NUP98: variants seen among roughly 807,000 people sequenced by gnomAD.
NUP98 encodes the protein nuclear pore complex protein Nup98-Nup96.
A neutral mutation model predicts 191.9 loss-of-function variants in NUP98; 26 were observed. The ratio of observed to expected loss-of-function variants is 0.14; its 90% CI spans 0.10 to 0.19. The LOEUF is 0.19. Among genes scored for constraint, NUP98 ranks in the 10% least tolerant of loss-of-function variants. The probability of loss-of-function intolerance (pLI) is 1.00; values close to 1 mark genes in which losing one functional copy is unlikely to be tolerated. For missense variants in NUP98, 1,941 were observed against 2,178.8 expected (o/e 0.89, Z 2.17); for synonymous variants, 808 against 778.4 (o/e 1.04, Z -0.63).
At chr11:3,785,723 C>T (rs533191303) in intron 1 of NUP98, among the ~76,000 whole-genome samples, 23 of 152,326 alleles carry the variant, frequency 1.5e-4, no homozygotes, top group African/African-American at 5.5e-4. Context: ...CGTGCCACTG[C>T]ACTCCAGTCT....
At chr11:3,694,881 T>C (rs1191316949) in intron 26 of NUP98, among the ~76,000 whole-genome samples, 4 of 152,168 alleles carry the variant, frequency 2.6e-5, no homozygotes, top group Admixed American at 6.5e-5. Flanking sequence ...TGAGACCCTA[T>C]TGCTATAAAT....
rs900229097 is a variant in NUP98 at position 3,701,204 on chromosome 11, A to G, written c.3513-365T>C. ...ATGAGGCTAAGCTTCTAGATACTAA[A>G]GAACTGATTCTAAATTACAATGAGC... On this transcript the variant is annotated intron_variant, in intron 23 of 32. Transcript: ENST00000324932. Among the ~76,000 whole-genome samples, 7 of 152,262 alleles carry G rather than the reference A, an allele frequency of 4.6e-5. No individual in the cohort carries two copies. The East Asian group carries it at 1.2e-3, about 25-fold the overall frequency.
At chr11:3,755,314 A>C (rs80070925) in intron 10 of NUP98, among the ~76,000 whole-genome samples, 1 of 151,660 alleles carries the variant, frequency 6.6e-6, no homozygotes, top group Non-Finnish European at 1.5e-5. Flanking sequence ...AAAAAAAAAA[A>C]TTAGCTGGCT....
chr11:3,735,351 A>AATATAT (rs144227838), intron 12 of NUP98, 27 bp from the exon 13 acceptor site: 12 of 1,080,652 alleles, frequency 1.1e-5, no homozygotes, highest in Middle Eastern at 6.9e-4. Context: ...AAGAAAACAA[A>AATATAT]ATATATATAT....
chr11:3,683,840 A>T (rs748312456), intron 29 of NUP98, among the ~76,000 whole-genome samples: 1 of 152,034 alleles, frequency 6.6e-6, no homozygotes, highest in African/African-American at 2.4e-5. Flanking sequence ...ACCTGGCCTA[A>T]ACTATGGGTC....
intron 23 of NUP98, among the ~76,000 whole-genome samples, chr11:3,701,332 T>A (rs531806188): frequency 6.6e-6 from 1 of 151,186 alleles, no homozygotes; most frequent in South Asian, 2.1e-4. Flanking sequence ...TGATCTTGGC[T>A]TACTGCAACC....
At chr11:3,689,940 ATTTTT>A (rs989043726) in intron 28 of NUP98, among the ~76,000 whole-genome samples, 76 of 73,568 alleles carry the variant, frequency 1.0e-3, no homozygotes, top group African/African-American at 4.0e-3. Context: ...GCTGGCCTGC[ATTTTT>A]TTTTTTTTTT....
At chr11:3,701,937 T>C (rs1321480722) in intron 23 of NUP98, among the ~76,000 whole-genome samples, 1 of 152,074 alleles carries the variant, frequency 6.6e-6, no homozygotes, top group Non-Finnish European at 1.5e-5. Flanking sequence ...TCCGCCCATC[T>C]TGGCCTCCCA....
intron 27 of NUP98, 136 bp from the exon 28 acceptor site, chr11:3,691,625 C>A: frequency 1.3e-6 from 1 of 777,454 alleles, no homozygotes; most frequent in Non-Finnish European, 2.0e-6. Flanking sequence ...ACAATCTCGG[C>A]TCACTGCAAC....
chr11:3,695,466 G>C lies in NUP98; in HGVS notation c.4150C>G (p.Leu1384Val). The change falls in exon 26 of 33, where the codon CTG becomes GTG. Residue 1384 changes from leucine (L) to valine (V), a missense_variant. Leu to Val is a conservative substitution (Grantham distance 32, BLOSUM62 1). Around this residue, in one of 6 missense-constraint regions of NUP98, gnomAD observed 1,030 missense variants for 1,115.8 expected, o/e 0.92. Transcript: ENST00000324932. ...IQDERLRIFA[L>V]LAGKPVWQLS... The stretch of plus-strand genomic sequence containing the variant: ...GAAGATACCGGTTTTCCAGCCAACA[G>C]AGCAAAGATGCGCAGTCTCTCATCC... The C allele has an allele frequency of 1.9e-6, 3 of 1,573,310 alleles. 1 individual carries two copies. The highest frequency in any genetic ancestry group is 2.4e-5 in the South Asian group (2 of 84,860).
intron 25 of NUP98, among the ~76,000 whole-genome samples, chr11:3,697,724 G>A (rs920516212): frequency 6.7e-6 from 1 of 149,760 alleles, no homozygotes; most frequent in African/African-American, 2.5e-5. Flanking sequence ...GCTGAGGCAG[G>A]AGAATCGCTT....
chr11:3,700,557 C>A, intron 24 of NUP98, 53 bp downstream of exon 24: 1 of 1,275,486 alleles, frequency 7.8e-7, no homozygotes. Flanking sequence ...TGAACATACG[C>A]TACCACCACT....
chr11:3,729,543 CAAAAAA>C (rs36045405), intron 14 of NUP98, among the ~76,000 whole-genome samples: 5 of 55,750 alleles, frequency 9.0e-5, no homozygotes, highest in Non-Finnish European at 1.3e-4. Flanking sequence ...CCTGTATCTC[CAAAAAA>C]AAAAAAAAAA....
At chr11:3,684,833 T>C (rs1333754199) in intron 29 of NUP98, among the ~76,000 whole-genome samples, 1 of 144,270 alleles carries the variant, frequency 6.9e-6, no homozygotes, top group Non-Finnish European at 1.5e-5. Flanking sequence ...AGTATCTTTA[T>C]CCAAAGTCAA....
intron 17 of NUP98, among the ~76,000 whole-genome samples, chr11:3,719,923 C>T (rs920595214): frequency 6.6e-6 from 1 of 151,984 alleles, no homozygotes; most frequent in Admixed American, 6.6e-5. Flanking sequence ...TCAGGCCTGG[C>T]TCATTTTCTT....
At chr11:3,751,488 A>T (rs1277390672) in intron 11 of NUP98, among the ~76,000 whole-genome samples, 1 of 152,180 alleles carries the variant, frequency 6.6e-6, no homozygotes, top group Non-Finnish European at 1.5e-5. Flanking sequence ...AAACAACCCT[A>T]ATCATTTCAC....
chr11:3,736,691 AAAT>A (rs1390000500), intron 12 of NUP98, among the ~76,000 whole-genome samples: 10 of 152,244 alleles, frequency 6.6e-5, no homozygotes, highest in Non-Finnish European at 1.3e-4. Flanking sequence ...TAGTTATTAA[AAAT>A]AATAATTTGT....
intron 28 of NUP98, among the ~76,000 whole-genome samples, chr11:3,688,839 A>ATATATT (rs1457803076): frequency 6.9e-6 from 1 of 144,196 alleles, no homozygotes; most frequent in Non-Finnish European, 1.5e-5. Flanking sequence ...ATATATATAT[A>ATATATT]TATTTATAAG....
chr11:3,781,047 G>A (rs1017241039), intron 2 of NUP98, among the ~76,000 whole-genome samples: 6 of 151,944 alleles, frequency 3.9e-5, no homozygotes, highest in Non-Finnish European at 8.8e-5. Context: ...TGAGCCAGGC[G>A]TGGTGGTGTG....
Sources: allele counts gnomAD v4.1 joint callset (sites outside exome capture counted in the v4.1 genomes callset), GRCh38; gene constraint gnomAD v4.1.1; regional missense constraint gnomAD v4.1.1; transcripts MANE v1.5; gene names NCBI Gene and HGNC (gene_info 2026-07-23, HGNC 2026-07-21).